The following GATA3 variants were observed in gnomAD, a reference collection of about 807,000 sequenced individuals.
GATA3 encodes trans-acting T-cell-specific transcription factor GATA-3.
GATA3 carries 6 observed loss-of-function variants against 36.0 expected under a neutral mutation model. The ratio of observed to expected loss-of-function variants is 0.17; its 90% CI spans 0.09 to 0.33. The LOEUF (loss-of-function observed/expected upper bound fraction) is 0.33. GATA3 is among the 10% of genes least tolerant of loss of function. The pLI, the probability that GATA3 is intolerant of heterozygous loss-of-function variation, is 1.00. For synonymous variants in GATA3, 326 were observed against 273.0 expected (o/e 1.19, Z -1.92); for missense variants, 514 against 610.1 (o/e 0.84, Z 1.66).
At chr10:8,066,430 T>TTTTC (rs10688455) in intron 4 of GATA3, among the ~76,000 whole-genome samples, 29,464 of 148,296 alleles carry the variant, frequency 0.2, 2,968 homozygotes, top group East Asian at 0.25. Context: ...TCAGATTTCT[T>TTTTC]TTTCTTTCTT....
In GATA3 at chr10:8,055,623, G is replaced by A; in HGVS notation, c.-33G>A. 6.5e-7 allele frequency: 1 copy of A among 1,542,088 alleles called. No individual in the cohort carries two copies. Among genetic ancestry groups the A allele is most frequent in the Non-Finnish European group, 8.7e-7 (1 of 1,146,266 alleles). On this transcript the variant is annotated 5_prime_UTR_variant, in exon 2 of 6. Transcript: ENST00000379328. The surrounding 1 kb of genome is among the most constrained non-coding windows in gnomAD (Gnocchi z 5.4). The stretch of plus-strand genomic sequence containing the variant: ...CTCCCTCCCCGCGCGCGGGTTCCGG[G>A]CCCGGCGAGAGGGCGCGAGCACAGC...
upstream of GATA3, chr10:8,051,218 C>G: frequency 2.3e-6 from 1 of 433,038 alleles, no homozygotes; most frequent in Non-Finnish European, 4.8e-6. Context: ...TAACCCCTAC[C>G]GAGTGGAGAA....
chr10:8,070,470 G>T lies in GATA3; in HGVS notation c.1050+872G>T, dbSNP rs566656573. On this transcript the variant is annotated intron_variant, in intron 5 of 5. Transcript: ENST00000379328. ...TTACATTAACTCTAAAGACAAAAAT[G>T]GTTATTTTGGTCTTTCTCTGTGTTG... Among the ~76,000 whole-genome samples, 3 of 151,638 alleles carry T rather than the reference G, an allele frequency of 2.0e-5. No homozygotes were observed. In the East Asian group the frequency reaches 5.8e-4, roughly 29 times the overall value.
In GATA3 at chr10:8,046,576, G is replaced by C. The variant is rs1832389855; in HGVS notation, c.-370+1061G>C. On this transcript the variant is annotated intron_variant, in intron 1 of 1. Transcript: ENST00000643001. ...AGTGGTAGTAGCAGTGGGTGGGCTGGGGGTCTAGCCAGGCAGGTTGAGTCC... is the reference window on the plus strand; with the variant it reads ...AGTGGTAGTAGCAGTGGGTGGGCTGCGGGTCTAGCCAGGCAGGTTGAGTCC... 3.9e-5 allele frequency among the ~76,000 whole-genome samples: 6 copies of C among 152,138 alleles called. No homozygotes were observed. The South Asian group carries it at 1.0e-3, about 26-fold the overall frequency.
chr10:8,064,700 T>C (rs1832807309), intron 4 of GATA3, among the ~76,000 whole-genome samples: 1 of 152,260 alleles, frequency 6.6e-6, no homozygotes, highest in East Asian at 1.9e-4. Flanking sequence ...CAGCAACCAG[T>C]GAGCCTAATG....
intron 4 of GATA3, among the ~76,000 whole-genome samples, chr10:8,066,508 T>G (rs939757230): frequency 2.0e-5 from 3 of 152,154 alleles, no homozygotes; most frequent in Non-Finnish European, 4.4e-5. Flanking sequence ...ACCCTTTGTT[T>G]TCTTCTTTCC....
At chr10:8,073,245 G>A (rs2131518589) in intron 5 of GATA3, among the ~76,000 whole-genome samples, 1 of 151,560 alleles carries the variant, frequency 6.6e-6, no homozygotes, top group African/African-American at 2.4e-5. Context: ...AGATTTTATG[G>A]CACCTCTTAA....
At chr10:8,048,950 G>A (rs2131465675), upstream of GATA3, among the ~76,000 whole-genome samples, 1 of 152,130 alleles carries the variant, frequency 6.6e-6, no homozygotes, top group East Asian at 1.9e-4. Flanking sequence ...GGCCGGGCTG[G>A]GGGCGGAGTG....
chr10:8,062,738 G>A (rs1052378403), intron 3 of GATA3, among the ~76,000 whole-genome samples: 8 of 152,016 alleles, frequency 5.3e-5, no homozygotes, highest in Admixed American at 4.6e-4. Flanking sequence ...CTACCCTCCG[G>A]GGTCCTCCTC....
chr10:8,052,155 C>T (rs1832511791), upstream of GATA3: 1 of 152,340 alleles, frequency 6.6e-6, no homozygotes, highest in South Asian at 2.1e-4. Context: ...TGCTAAATAC[C>T]CCCTACCGGC....
chr10:8,073,516 A>G (rs1196949186), intron 5 of GATA3, among the ~76,000 whole-genome samples: 1 of 152,158 alleles, frequency 6.6e-6, no homozygotes, highest in Non-Finnish European at 1.5e-5. Context: ...GAGAAATACA[A>G]TCGTACTAGA....
chr10:8,064,308 CTTCTTTTTTT>C (rs1239792188), intron 4 of GATA3, among the ~76,000 whole-genome samples, 170 bp downstream of exon 4: 2 of 114,134 alleles, frequency 1.8e-5, no homozygotes, highest in Non-Finnish European at 1.7e-5. Flanking sequence ...TTTTCTTCTT[CTTCTTTTTTT>C]TTTTTTTTTT....
chr10:8,054,300 C>T (rs900222197), upstream of GATA3, among the ~76,000 whole-genome samples: 1 of 152,208 alleles, frequency 6.6e-6, no homozygotes, highest in Non-Finnish European at 1.5e-5. This position sits in a 1 kb window ranked among gnomAD's most constrained non-coding sequence, Gnocchi z 4.2. Flanking sequence ...TTCTGCCCAT[C>T]GAAATGAACT....
At chr10:8,067,485 C>T (rs1233462509) in intron 4 of GATA3, among the ~76,000 whole-genome samples, 1 of 152,166 alleles carries the variant, frequency 6.6e-6, no homozygotes, top group Non-Finnish European at 1.5e-5. Flanking sequence ...CGGGTGTTGG[C>T]TTCAACTTTT....
upstream of GATA3, chr10:8,051,166 G>T: frequency 2.1e-6 from 1 of 484,488 alleles, no homozygotes; most frequent in Non-Finnish European, 4.2e-6. Flanking sequence ...GGGTGGGAGG[G>T]ACTTGCACGT....
At chr10:8,060,956 A>G (rs1832737576) in intron 3 of GATA3, among the ~76,000 whole-genome samples, 1 of 151,976 alleles carries the variant, frequency 6.6e-6, no homozygotes, top group Admixed American at 6.6e-5. Flanking sequence ...GCGGCGAGCG[A>G]GCTGGGACTT....
At chr10:8,053,267 T>C (rs1288847392), upstream of GATA3, 2 of 152,202 alleles carry the variant, frequency 1.3e-5, no homozygotes, top group Admixed American at 6.5e-5. This position sits in a 1 kb window ranked among gnomAD's most constrained non-coding sequence, Gnocchi z 5.1. Flanking sequence ...GGGAACAATG[T>C]CTCCAATTCA....
chr10:8,072,506 C>G (rs1288762147), intron 5 of GATA3, among the ~76,000 whole-genome samples: 1 of 152,178 alleles, frequency 6.6e-6, no homozygotes, highest in East Asian at 1.9e-4. Context: ...TGGGGAGTAA[C>G]TTCTGTTTAC....
At chr10:8,051,646 C>G (rs1832495331), upstream of GATA3, 1 of 152,692 alleles carries the variant, frequency 6.5e-6, no homozygotes, top group Non-Finnish European at 1.5e-5. Context: ...CGCGTCAGGT[C>G]TGCGGGAAGG....
Sources: allele counts gnomAD v4.1 joint callset (sites outside exome capture counted in the v4.1 genomes callset), GRCh38; gene constraint gnomAD v4.1.1; non-coding constraint Gnocchi (gnomAD v3.1); transcripts MANE v1.5; gene names NCBI Gene and HGNC (gene_info 2026-07-23, HGNC 2026-07-21).